NOL9: variants seen among roughly 807,000 people sequenced by gnomAD.
NOL9 encodes the protein polynucleotide 5'-hydroxyl-kinase NOL9.
In NOL9, 28 loss-of-function variants were observed where a neutral mutation model predicts 67.9. The ratio of observed to expected loss-of-function variants is 0.41; its 90% confidence interval spans 0.31 to 0.57. NOL9 has a LOEUF of 0.57. Ranked by LOEUF, NOL9 falls within the 20% of genes least tolerant of loss-of-function variation. NOL9 has a pLI of 0.25. For missense variants in NOL9, 777 were observed against 897.0 expected (o/e 0.87, Z 1.71); for synonymous variants, 356 against 352.2 (o/e 1.01, Z -0.12).
intron 6 of NOL9, among the ~76,000 whole-genome samples, chr1:6,533,747 T>G (rs1369484437): frequency 6.6e-6 from 1 of 152,232 alleles, no homozygotes; most frequent in African/African-American, 2.4e-5. Flanking sequence ...GGGACATATC[T>G]GTAAACAAAA....
chr1:6,543,407 G>C (rs760815673), intron 5 of NOL9, among the ~76,000 whole-genome samples: 14 of 152,182 alleles, frequency 9.2e-5, no homozygotes, highest in Non-Finnish European at 1.6e-4. Flanking sequence ...GTGTTAGCCA[G>C]GATGGTCTCG....
chr1:6,527,515 C>T (rs1638914837), intron 10 of NOL9, among the ~76,000 whole-genome samples: 1 of 149,508 alleles, frequency 6.7e-6, no homozygotes, highest in Admixed American at 6.7e-5. Flanking sequence ...GGCATGGTGG[C>T]GCGCACCTGT....
intron 1 of NOL9, among the ~76,000 whole-genome samples, chr1:6,551,026 G>A (rs1269385890): frequency 2.6e-5 from 4 of 152,222 alleles, no homozygotes; most frequent in African/African-American, 9.6e-5. Context: ...CAAAAGGCAG[G>A]TAAGGCCAGG....
At position 6,532,141 on chromosome 1, in the gene NOL9, C is replaced by A. The variant is rs955793675; in HGVS notation, c.1536-62G>T. 6 of 1,245,972 alleles carry A rather than the reference C, an allele frequency of 4.8e-6. No individual in the cohort carries two copies. The African/African-American group carries it at 8.8e-5, about 18-fold the overall frequency. The allele number at this position is 1,245,972 out of a possible 1,614,324, so 77.2% of individuals were successfully genotyped here. A position where few individuals can be genotyped will look rare whatever the true frequency, so the allele number is the denominator to read the frequency against. ...AACCCTCAACGGCCACCTCCCACAC[C>A]TGTCATCACAGAGGTCACATTTTCA... On this transcript the variant is annotated intron_variant, in intron 8 of 11. Transcript: ENST00000377705.
chr1:6,544,523 A>ATG (rs1639372309), intron 5 of NOL9, among the ~76,000 whole-genome samples: 1 of 37,998 alleles, frequency 2.6e-5, no homozygotes, highest in Non-Finnish European at 8.3e-5. Flanking sequence ...ACACACACAC[A>ATG]CACACGCACG....
intron 10 of NOL9, among the ~76,000 whole-genome samples, chr1:6,528,740 G>A (rs1417945960): frequency 2.6e-5 from 4 of 152,258 alleles, no homozygotes; most frequent in Non-Finnish European, 5.9e-5. Flanking sequence ...GCCTAGGGGA[G>A]AAGTGTCGAG....
chr1:6,542,933 G>A (rs1016220800), intron 5 of NOL9, among the ~76,000 whole-genome samples: 10 of 151,556 alleles, frequency 6.6e-5, no homozygotes, highest in Non-Finnish European at 1.2e-4. Flanking sequence ...GGGTGTCACC[G>A]AGTCACCCAG....
intron 6 of NOL9, among the ~76,000 whole-genome samples, chr1:6,540,458 G>A (rs949546844): frequency 1.3e-5 from 2 of 151,820 alleles, no homozygotes; most frequent in African/African-American, 2.4e-5. Context: ...TTTCATTTTG[G>A]GATGACAAAA....
intron 6 of NOL9, among the ~76,000 whole-genome samples, chr1:6,538,878 A>G (rs868557993): frequency 6.6e-6 from 1 of 152,176 alleles, no homozygotes; most frequent in East Asian, 1.9e-4. Flanking sequence ...AGGCTGAGGC[A>G]GGAGAACTGC....
chr1:6,526,771 G>A lies in NOL9; in HGVS notation c.1884C>T (p.Pro628=), dbSNP rs779223303. Residue 628 remains proline, a synonymous_variant, in exon 11 of 12, where the codon CCC becomes CCT. Transcript: ENST00000377705. ...AATTCACGGTCCTTAGCTCTTCCGG[G>A]GGCACAGGGGTGAGGATGTGGTACA... ...KRLYHILTPV[P]PEELRTVNCL... 8 of 1,613,726 alleles carry A rather than the reference G, an allele frequency of 5.0e-6. No individual in the cohort carries two copies. The Admixed American group carries it at 8.3e-5, about 17-fold the overall frequency.
rs542043066 is a variant in NOL9 at position 6,522,361 on chromosome 1, C to T, written c.*3493G>A. The T allele has an allele frequency of 2.0e-5, 3 of 151,840 alleles. No individual in the cohort carries two copies. Among genetic ancestry groups the T allele is most frequent in the African/African-American group, 7.3e-5 (3 of 41,360 alleles). 9.4% of individuals were successfully genotyped at this position (151,840 alleles called of 1,614,324 possible). On this transcript the variant is annotated 3_prime_UTR_variant, in exon 12 of 12. Transcript: ENST00000377705. Reference sequence around the variant, plus strand: ...GGTTGGAAGTTCGAGACCAGCCTGACCAATAAAGTGAAACGCCATCTCTAC... The same window carrying T: ...GGTTGGAAGTTCGAGACCAGCCTGATCAATAAAGTGAAACGCCATCTCTAC...
intron 6 of NOL9, chr1:6,541,014 T>TGC (rs1639277283): frequency 1.6e-4 from 1 of 6,120 alleles, no homozygotes; most frequent in South Asian, 0.024. Flanking sequence ...TAACAGCGTT[T>TGC]TTTTTTTTTT....
chr1:6,527,909 C>A (rs1570037306), intron 10 of NOL9, among the ~76,000 whole-genome samples: 1 of 151,786 alleles, frequency 6.6e-6, no homozygotes, highest in South Asian at 2.1e-4. Flanking sequence ...CCAGCCTGGG[C>A]GACAGAGCAA....
chr1:6,552,467 A>G (rs888737099), intron 1 of NOL9, among the ~76,000 whole-genome samples: 1 of 151,878 alleles, frequency 6.6e-6, no homozygotes, highest in Admixed American at 6.6e-5. Flanking sequence ...ATTTTTATTT[A>G]TTTATTTATT....
intron 6 of NOL9, 147 bp from the exon 7 acceptor site, chr1:6,533,588 A>T: frequency 1.9e-6 from 1 of 517,794 alleles, no homozygotes; most frequent in Non-Finnish European, 3.2e-6. Flanking sequence ...GGAACACTCT[A>T]ATTCCATTTT....
intron 6 of NOL9, among the ~76,000 whole-genome samples, chr1:6,539,660 T>G (rs1313435397): frequency 3.8e-3 from 1 of 262 alleles, no homozygotes; most frequent in Non-Finnish European, 0.25. Flanking sequence ...AACTTTTGTA[T>G]TTTTTTTAAT....
chr1:6,541,577 A>T (rs1639293066), intron 6 of NOL9, among the ~76,000 whole-genome samples: 1 of 152,220 alleles, frequency 6.6e-6, no homozygotes, highest in Admixed American at 6.5e-5. Flanking sequence ...ATTTACATAA[A>T]ACAAAATAAT....
intron 3 of NOL9, among the ~76,000 whole-genome samples, chr1:6,547,111 T>G (rs1639436165): frequency 6.6e-6 from 1 of 152,206 alleles, no homozygotes; most frequent in Admixed American, 6.6e-5. Context: ...CTTCTTGGAG[T>G]GCCCCAGGGC....
At chr1:6,534,604 G>C (rs1639107285) in intron 6 of NOL9, among the ~76,000 whole-genome samples, 1 of 152,190 alleles carries the variant, frequency 6.6e-6, no homozygotes, top group African/African-American at 2.4e-5. Flanking sequence ...GCAGCAGAGG[G>C]AGTGGCCTGT....
Sources: gnomAD v4.1 joint callset for allele counts (sites outside exome capture counted in the v4.1 genomes callset) on GRCh38, gnomAD v4.1.1 for gene constraint, MANE v1.5 for transcripts, NCBI Gene and HGNC (gene_info 2026-07-23, HGNC 2026-07-21) for gene names.